Variants in IGFL2 observed in about 807,000 individuals in gnomAD.
The protein encoded by IGFL2 is insulin growth factor-like family member 2.
Under a neutral mutation model 13.9 loss-of-function variants are expected in IGFL2, and 7 were observed. The ratio of observed to expected loss-of-function variants is 0.51; its 90% CI spans 0.29 to 0.95. The LOEUF (loss-of-function observed/expected upper bound fraction) is 0.95, where lower values mean the gene tolerates loss of function less well. IGFL2 is among the 40% of genes least tolerant of loss of function. The pLI is 0.08. For missense variants in IGFL2, 138 were observed against 147.8 expected (o/e 0.93, Z 0.34); for synonymous variants, 55 against 55.8 (o/e 0.99, Z 0.07).
At chr19:46,208,129 CTG>C in the IGFL2 span, 6 of 152,422 alleles carry the variant, frequency 3.9e-5, no homozygotes, top group African/African-American at 1.4e-4. Context: ...GGCTGCATGA[CTG>C]TTCATCTCTC....
At chr19:46,164,045 C>G (rs1389635142), downstream of IGFL2, 1 of 151,696 alleles carries the variant, frequency 6.6e-6, no homozygotes, top group Non-Finnish European at 1.5e-5. Flanking sequence ...CTTAAAGAAA[C>G]AGTCTGGCCA....
chr19:46,177,245 A>T, the IGFL2 span, among the ~76,000 whole-genome samples: 1 of 152,024 alleles, frequency 6.6e-6, no homozygotes, highest in African/African-American at 2.4e-5. Flanking sequence ...AAATACAAAA[A>T]TTAGCGGTGT....
upstream of IGFL2, chr19:46,148,039 G>C: frequency 2.1e-6 from 1 of 480,052 alleles, no homozygotes; most frequent in South Asian, 3.8e-5. Flanking sequence ...TTTACTCTGA[G>C]ATTTCGAGAG....
chr19:46,184,751 T>C, the IGFL2 span, among the ~76,000 whole-genome samples: 1 of 152,254 alleles, frequency 6.6e-6, no homozygotes, highest in African/African-American at 2.4e-5. Flanking sequence ...GAATGATTTA[T>C]AATCCTTTGG....
intron 1 of IGFL2, chr19:46,148,757 T>C (rs1973277404): frequency 5.2e-6 from 5 of 954,446 alleles, no homozygotes; most frequent in Non-Finnish European, 7.5e-6. Flanking sequence ...GGGAGGATTA[T>C]AGCACTGTGG....
intron 1 of IGFL2, among the ~76,000 whole-genome samples, chr19:46,151,786 T>C (rs1973511164): frequency 6.6e-6 from 1 of 152,048 alleles, no homozygotes; most frequent in South Asian, 2.1e-4. Context: ...GCGGTGTGCG[T>C]CTGTAGTCCC....
chr19:46,161,634 C>T (rs1310326869), downstream of IGFL2, among the ~76,000 whole-genome samples: 4 of 152,092 alleles, frequency 2.6e-5, no homozygotes, highest in Non-Finnish European at 5.9e-5. Context: ...ATTAGGATTG[C>T]AACTCCTGCT....
At chr19:46,082,276 C>G in the IGFL2 span, among the ~76,000 whole-genome samples, 1 of 152,202 alleles carries the variant, frequency 6.6e-6, no homozygotes, top group African/African-American at 2.4e-5. Flanking sequence ...CAGTTAAACT[C>G]TCCTGGGTTC....
chr19:46,166,534 T>A, the IGFL2 span, among the ~76,000 whole-genome samples: 2 of 152,306 alleles, frequency 1.3e-5, no homozygotes, highest in Non-Finnish European at 2.9e-5. Flanking sequence ...TAACATCTTA[T>A]CAGGAGACAG....
At chr19:46,205,205 A>G in the IGFL2 span, among the ~76,000 whole-genome samples, 58,088 of 152,052 alleles carry the variant, frequency 0.38, 12,401 homozygotes, top group Middle Eastern at 0.51. Flanking sequence ...AATGAAAAGC[A>G]CCCTCCAAAT....
chr19:46,168,790 T>C, the IGFL2 span, among the ~76,000 whole-genome samples: 2 of 152,326 alleles, frequency 1.3e-5, no homozygotes, highest in African/African-American at 4.8e-5. Context: ...GTTCTACTTA[T>C]ATAATTTTGC....
At chr19:46,136,241 G>T in the IGFL2 span, among the ~76,000 whole-genome samples, 1 of 151,564 alleles carries the variant, frequency 6.6e-6, no homozygotes, top group Admixed American at 6.6e-5. Flanking sequence ...GGTAGGTTTG[G>T]TCTCTTTATA....
chr19:46,125,770 A>G, the IGFL2 span, among the ~76,000 whole-genome samples: 1 of 152,220 alleles, frequency 6.6e-6, no homozygotes, highest in Non-Finnish European at 1.5e-5. Flanking sequence ...GAAGGCCAAC[A>G]ATGTGAAGAT....
At chr19:46,086,487 C>G in the IGFL2 span, among the ~76,000 whole-genome samples, 1 of 152,034 alleles carries the variant, frequency 6.6e-6, no homozygotes, top group Non-Finnish European at 1.5e-5. Flanking sequence ...CCATGCCTGG[C>G]TAATTTTTGT....
At chr19:46,159,319 T>G (rs1974006505) in intron 1 of IGFL2, 1 of 152,196 alleles carries the variant, frequency 6.6e-6, no homozygotes, top group South Asian at 2.1e-4. Context: ...GGGATTAAAA[T>G]AGATGGGAAG....
the IGFL2 span, among the ~76,000 whole-genome samples, chr19:46,080,895 G>C: frequency 6.6e-6 from 1 of 152,246 alleles, no homozygotes; most frequent in Non-Finnish European, 1.5e-5. Context: ...TTTCAGGACT[G>C]TGTCCATCAC....
At chr19:46,088,940 T>A in the IGFL2 span, among the ~76,000 whole-genome samples, 1 of 152,222 alleles carries the variant, frequency 6.6e-6, no homozygotes, top group East Asian at 1.9e-4. Flanking sequence ...AGTCATTCTA[T>A]GAACATGACT....
the IGFL2 span, chr19:46,206,595 T>C: frequency 6.6e-6 from 1 of 152,196 alleles, no homozygotes; most frequent in African/African-American, 2.4e-5. Context: ...TAGTAACTGT[T>C]TGGCTGTGAC....
At chr19:46,087,593 A>G in the IGFL2 span, among the ~76,000 whole-genome samples, 6 of 152,354 alleles carry the variant, frequency 3.9e-5, no homozygotes, top group South Asian at 6.2e-4. Flanking sequence ...CGGCCATGCT[A>G]CTGGGAACAG....
Sources: allele counts gnomAD v4.1 joint callset (sites outside exome capture counted in the v4.1 genomes callset), GRCh38; gene constraint gnomAD v4.1.1; transcripts MANE v1.5; gene names NCBI Gene and HGNC (gene_info 2026-07-23, HGNC 2026-07-21).